The following SMG1 variants were observed in gnomAD, a reference collection of about 807,000 sequenced individuals.
SMG1 encodes SMG1 nonsense mediated mRNA decay associated PI3K related kinase, also known as serine/threonine-protein kinase SMG1.
In SMG1, 22 loss-of-function variants were observed where a neutral mutation model predicts 419.9. The observed-to-expected ratio is 0.05, with a 90% confidence interval of 0.04 to 0.07. The LOEUF (loss-of-function observed/expected upper bound fraction) is 0.07, where lower values mean the gene tolerates loss of function less well. Among genes scored for constraint, SMG1 ranks in the 10% least tolerant of loss-of-function variants. The pLI is 1.00. For synonymous variants in SMG1, 1,538 were observed against 1,553.5 expected (o/e 0.99, Z 0.23); for missense variants, 3,185 against 4,342.0 (o/e 0.73, Z 7.49).
chr16:18,898,958 C>T (rs185009030), intron 1 of SMG1, among the ~76,000 whole-genome samples: 174 of 152,280 alleles, frequency 1.1e-3, no homozygotes, highest in African/African-American at 4.0e-3. Context: ...TTGTCTCTTG[C>T]ATAAAATGAG....
intron 29 of SMG1, chr16:18,856,215 T>C (rs1450804344): frequency 6.6e-6 from 1 of 152,214 alleles, no homozygotes; most frequent in Non-Finnish European, 1.5e-5. Flanking sequence ...CAGGCTGGAG[T>C]GCAGTGGCAT....
chr16:18,914,100 G>A (rs1264048693), intron 1 of SMG1, among the ~76,000 whole-genome samples: 1 of 151,468 alleles, frequency 6.6e-6, no homozygotes, highest in Non-Finnish European at 1.5e-5. Flanking sequence ...CCAGGAGGTA[G>A]AGGTTGCGTG....
chr16:18,888,013 A>C (rs996771210), intron 6 of SMG1, among the ~76,000 whole-genome samples: 7 of 151,236 alleles, frequency 4.6e-5, no homozygotes, highest in African/African-American at 1.7e-4. Context: ...CAAAAATACA[A>C]AACTTAGCCA....
At chr16:18,861,408 C>T (rs1034111824) in intron 25 of SMG1, 1 of 152,016 alleles carries the variant, frequency 6.6e-6, no homozygotes, top group Non-Finnish European at 1.5e-5. Context: ...TTCTATGCTG[C>T]TCCTTTCAGA....
chr16:18,819,989 G>A (rs1358914830), intron 55 of SMG1, among the ~76,000 whole-genome samples: 1 of 151,804 alleles, frequency 6.6e-6, no homozygotes, highest in African/African-American at 2.4e-5. Flanking sequence ...TTTTGAGACG[G>A]AGTCTCACTC....
intron 1 of SMG1, among the ~76,000 whole-genome samples, chr16:18,900,569 T>C (rs2037308589): frequency 6.6e-6 from 1 of 152,172 alleles, no homozygotes; most frequent in Non-Finnish European, 1.5e-5. Context: ...CACCCCAAAA[T>C]GACTTGATGC....
Position 18,833,148 on chromosome 16 carries a change from G to C in SMG1, c.8584C>G (p.Arg2862Gly). 1 of 1,613,410 alleles carries C rather than the reference G, an allele frequency of 6.2e-7. No homozygotes were observed. Among genetic ancestry groups the C allele is most frequent in the Non-Finnish European group, 8.5e-7 (1 of 1,179,692 alleles). The change falls in exon 51 of 63, where the codon CGG (arginine) becomes GGG (glycine). Residue 2862 changes from arginine to glycine, a missense_variant. Arg to Gly is a moderately radical substitution (Grantham distance 125). This residue lies in a region of SMG1 where 412 missense variants were observed against 546.6 expected (regional missense o/e 0.75). Transcript: ENST00000446231. ...AGTGCTTCTGGAAATATGATTTGCCGGAAATTCGAATTCAATTCCTATAAA... is the reference window on the plus strand; with the variant it reads ...AGTGCTTCTGGAAATATGATTTGCCCGAAATTCGAATTCAATTCCTATAAA... ...TSLQELNSNF[R>G]QIIFPEALRC... is the part of the protein sequence containing the mutation.
intron 55 of SMG1, among the ~76,000 whole-genome samples, chr16:18,821,221 C>CTTTTTTTTTTTTTTTTTTTTTTTTTTTT (rs869238782): frequency 2.8e-4 from 10 of 35,598 alleles, no homozygotes; most frequent in African/African-American, 4.6e-4. Flanking sequence ...TAGTATGTTT[C>CTTTTTTTTTTTTTTTTTTTTTTTTTTTT]TTTTTTTTTT....
At chr16:18,816,147 A>C (rs773046439) in intron 58 of SMG1, 155 bp downstream of exon 58, 149 of 650,380 alleles carry the variant, frequency 2.3e-4, no homozygotes, top group Non-Finnish European at 3.7e-4. Context: ...AAAATAGTTG[A>C]TGAAAACACA....
At chr16:18,925,350 G>C (rs537542559) in intron 1 of SMG1, 2 of 152,310 alleles carry the variant, frequency 1.3e-5, no homozygotes, top group Non-Finnish European at 2.9e-5. Context: ...CTTGCACTTA[G>C]GGAAAACTTC....
chr16:18,874,703 T>C (rs2036009137), intron 13 of SMG1, among the ~76,000 whole-genome samples: 4 of 149,138 alleles, frequency 2.7e-5, no homozygotes, highest in Admixed American at 2.7e-4. Context: ...AAGTCTCTAC[T>C]AAAAATACAA....
At chr16:18,888,716 T>C (rs956172054) in intron 6 of SMG1, among the ~76,000 whole-genome samples, 6 of 151,852 alleles carry the variant, frequency 4.0e-5, no homozygotes, top group Admixed American at 3.3e-4. Context: ...TGTTTCCACC[T>C]CGGCCTCCCA....
Position 18,871,351 on chromosome 16 carries a change from A to G in SMG1, c.2302+13T>C. The G allele has an allele frequency of 1.5e-6, 2 of 1,314,774 alleles. No homozygotes were observed. Among genetic ancestry groups the G allele is most frequent in the Non-Finnish European group, 2.1e-6 (2 of 951,088 alleles). The allele number at this position is 1,314,774 out of a possible 1,614,324, so 81.4% of individuals were successfully genotyped here. ...TAAACAAAATAGAAAAAAAAAAAAA[A>G]ACAGAGTCTTACTGTTGGCTAAAAG... On this transcript the variant is annotated intron_variant, in intron 16 of 62. Coordinates refer to ENST00000446231, the MANE Select transcript of SMG1 (RefSeq NM_015092.5).
At position 18,863,820 on chromosome 16, in the gene SMG1, C is replaced by A. The variant is rs758969386; in HGVS notation, c.3525G>T (p.Pro1175=). The A allele has an allele frequency of 5.6e-5, 89 of 1,581,346 alleles. No individual in the cohort carries two copies. The Admixed American group carries it at 1.4e-3, about 25-fold the overall frequency. Reference sequence around the variant, plus strand: ...TTATAACCTCAGGGGAAGAGTCAGTCGGTTTGGACAGCACAGTTTTTCTGG... The same window carrying A: ...TTATAACCTCAGGGGAAGAGTCAGTAGGTTTGGACAGCACAGTTTTTCTGG... The part of the protein sequence containing the change: ...GESRKTVLSK[P]TDSSPEVINY... Residue 1175 remains proline (P), a synonymous_variant, in exon 25 of 63, where the codon CCG becomes CCT. Transcript: ENST00000446231.
At position 18,924,851 on chromosome 16, in the gene SMG1, T is replaced by A. The variant is rs568175109; in HGVS notation, c.92+1099A>T. On this transcript the variant is annotated intron_variant, in intron 1 of 62. Transcript: ENST00000446231. ...TCTAACGAGTCTTCAAATGTTACAT[T>A]CTAACATCTTAGCAAATTATTTCCA... 2.0e-5 allele frequency: 3 copies of A among 152,324 alleles called. No homozygotes were observed. In the South Asian group the frequency reaches 6.2e-4, roughly 32 times the overall value. The allele number at this position is 152,324 out of a possible 1,614,324, so 9.4% of individuals were successfully genotyped here.
chr16:18,861,813 G>T (rs2035234026), intron 25 of SMG1, among the ~76,000 whole-genome samples: 1 of 152,122 alleles, frequency 6.6e-6, no homozygotes, highest in African/African-American at 2.4e-5. Flanking sequence ...AAAAAAAGTA[G>T]GCTTTAATTT....
At chr16:18,871,927 T>A (rs977667862) in intron 15 of SMG1, among the ~76,000 whole-genome samples, 2 of 151,624 alleles carry the variant, frequency 1.3e-5, no homozygotes, top group African/African-American at 2.4e-5. Flanking sequence ...ATATTAAAAA[T>A]CTATATATAT....
intron 39 of SMG1, among the ~76,000 whole-genome samples, chr16:18,845,091 T>C (rs932628860): frequency 6.6e-6 from 1 of 152,216 alleles, no homozygotes. Context: ...TTAAATTTCT[T>C]ATCTTTAATG....
At chr16:18,919,323 T>C (rs1327699811) in intron 1 of SMG1, among the ~76,000 whole-genome samples, 3 of 146,326 alleles carry the variant, frequency 2.1e-5, no homozygotes, top group Non-Finnish European at 3.0e-5. Flanking sequence ...TGAGACCCCA[T>C]CTCTAAAAAA....
Sources: gnomAD v4.1 joint callset for allele counts (sites outside exome capture counted in the v4.1 genomes callset) on GRCh38, gnomAD v4.1.1 for gene constraint, gnomAD v4.1.1 regional missense constraint, MANE v1.5 for transcripts, NCBI Gene and HGNC (gene_info 2026-07-23, HGNC 2026-07-21) for gene names.